The following PPP1CB variants were observed in gnomAD, a reference collection of about 807,000 sequenced individuals.
PPP1CB encodes the protein protein phosphatase 1 catalytic subunit beta, also known as serine/threonine-protein phosphatase PP1-beta catalytic subunit.
PPP1CB carries 2 observed loss-of-function variants against 43.7 expected under a neutral mutation model. The observed-to-expected ratio is 0.05, with a 90% CI of 0.02 to 0.14. The LOEUF (loss-of-function observed/expected upper bound fraction) is 0.14. Among genes scored for constraint, PPP1CB ranks in the 10% least tolerant of loss-of-function variants. The probability of loss-of-function intolerance (pLI) is 1.00; values close to 1 mark genes in which losing one functional copy is unlikely to be tolerated. For missense variants in PPP1CB, 84 were observed against 398.0 expected, an observed-to-expected ratio of 0.21 and a Z score of 6.71; for synonymous variants, 136 against 135.6, an observed-to-expected ratio of 1.00 and a Z score of -0.02.
chr2:28,761,293 T>C (rs1666640283), intron 1 of PPP1CB, among the ~76,000 whole-genome samples: 1 of 152,224 alleles, frequency 6.6e-6, no homozygotes, highest in Non-Finnish European at 1.5e-5. Flanking sequence ...AATTTCGGAC[T>C]CCCAACTACT....
chr2:28,792,526 C>A (rs961700172), intron 6 of PPP1CB, among the ~76,000 whole-genome samples: 10 of 151,940 alleles, frequency 6.6e-5, no homozygotes, highest in Non-Finnish European at 1.5e-4. Context: ...TGTCTCCACA[C>A]AAGCACATAC....
chr2:28,793,834 G>A, intron 6 of PPP1CB, 29 bp from the exon 7 acceptor site: 6 of 1,612,654 alleles, frequency 3.7e-6, no homozygotes, highest in Non-Finnish European at 5.1e-6. Context: ...ACCAATAAAT[G>A]TTTTTTCTTC....
In PPP1CB at chr2:28,794,112, G is replaced by A. The variant is rs1667446194; in HGVS notation, c.879+115G>A. 5 of 812,518 alleles carry A rather than the reference G, an allele frequency of 6.2e-6. No homozygotes were observed. The South Asian group carries it at 9.9e-5, about 16-fold the overall frequency. The allele number at this position is 812,518 out of a possible 1,614,324, so 50.3% of individuals were successfully genotyped here. On this transcript the variant is annotated intron_variant, in intron 7 of 7. Transcript: ENST00000395366. ...AAGTGTTGAAAGTCTGTTTAATTCA[G>A]AAGTGATTACCACTCAAACTCATTA... is the stretch of plus-strand genomic sequence containing the variant.
rs368839634 is a variant in PPP1CB at position 28,785,786 on chromosome 2, G to A, written c.592+1808G>A. 6.4e-4 allele frequency among the ~76,000 whole-genome samples: 97 copies of A among 152,198 alleles called. 2 individuals are homozygous for A. The South Asian group carries it at 0.016, about 25-fold the overall frequency. ...ATTGTGCTCCTGCATTCTAGCCTGG[G>A]TGACACAGTGAGACCCTCTCTTTCA... is the stretch of plus-strand genomic sequence containing the variant. On this transcript the variant is annotated intron_variant, in intron 5 of 7. Transcript: ENST00000395366.
At chr2:28,756,773 G>A (rs1367061973) in intron 1 of PPP1CB, among the ~76,000 whole-genome samples, 2 of 151,522 alleles carry the variant, frequency 1.3e-5, no homozygotes, top group African/African-American at 4.9e-5. Flanking sequence ...CAGGTGCGAG[G>A]TGCTGCGCCC....
chr2:28,797,251 T>C (rs1341533082), intron 7 of PPP1CB, among the ~76,000 whole-genome samples: 1 of 152,070 alleles, frequency 6.6e-6, no homozygotes, highest in Non-Finnish European at 1.5e-5. Context: ...GTGCCTCTGC[T>C]AGGTTTTGGT....
At chr2:28,778,205 T>A (rs1288377677) in intron 2 of PPP1CB, 1 of 354,076 alleles carries the variant, frequency 2.8e-6, no homozygotes, top group Non-Finnish European at 5.8e-6. Flanking sequence ...ACTATTTGTC[T>A]CCATATTTGG....
rs573672363 is a variant in PPP1CB at position 28,775,566 on chromosome 2, A to C, written c.53-1285A>C. Among the ~76,000 whole-genome samples, 14 of 152,250 alleles carry C rather than the reference A, an allele frequency of 9.2e-5. No homozygotes were observed. In the Middle Eastern group the frequency reaches 0.01, roughly 111 times the overall value. ...TTTTAAAAACATCTTTTGTTGACAC[A>C]GGGCCTTGCTTTGCTGCCCAGGCTG... On this transcript the variant is annotated intron_variant, in intron 1 of 7. Coordinates refer to ENST00000395366, the MANE Select transcript of PPP1CB (RefSeq NM_002709.3).
chr2:28,769,718 A>G (rs1666861218), intron 1 of PPP1CB, among the ~76,000 whole-genome samples: 1 of 152,336 alleles, frequency 6.6e-6, no homozygotes, highest in East Asian at 1.9e-4. Context: ...AAATACGACA[A>G]CTGTAGAACA....
intron 6 of PPP1CB, among the ~76,000 whole-genome samples, chr2:28,790,922 A>G (rs1369908316): frequency 6.6e-6 from 1 of 152,196 alleles, no homozygotes; most frequent in African/African-American, 2.4e-5. Flanking sequence ...AAACATTTAT[A>G]CAGTTCAGGG....
rs1160739130 is a variant in PPP1CB at position 28,800,166 on chromosome 2, G to A, written c.*863G>A. The A allele has an allele frequency of 6.6e-6, 1 of 150,860 alleles. No individual in the cohort carries two copies. The highest frequency in any genetic ancestry group is 1.5e-5 in the Non-Finnish European group (1 of 67,638). 9.3% of individuals were successfully genotyped at this position (150,860 alleles called of 1,614,324 possible). ...TTTCATTCGCACGGAACACCTTTTG[G>A]CATGCTTAACTTCCTGGTAACACCT... On this transcript the variant is annotated 3_prime_UTR_variant, in exon 8 of 8. Transcript: ENST00000395366.
In PPP1CB at chr2:28,771,044, C is replaced by CT. The variant is rs1666899103; in HGVS notation, c.53-5807_53-5806insT. Among the ~76,000 whole-genome samples the CT allele has an allele frequency of 2.3e-5, 2 of 88,474 alleles. 1 individual carries two copies. Among genetic ancestry groups the CT allele is most frequent in the Non-Finnish European group, 4.4e-5 (2 of 45,812 alleles). 58.0% of individuals were successfully genotyped at this position (88,474 alleles called of 152,430 possible). A position where few individuals can be genotyped will look rare whatever the true frequency, so the allele number is the denominator to read the frequency against. The stretch of plus-strand genomic sequence containing the variant: ...ACTTACCTACTTATTCCCTGCTCCC[C>CT]CCCCCCCACCCTTTTTTTTTTTTTT... On this transcript the variant is annotated intron_variant, in intron 1 of 7. Transcript: ENST00000395366.
intron 1 of PPP1CB, among the ~76,000 whole-genome samples, chr2:28,769,290 G>A (rs1394539657): frequency 6.6e-6 from 1 of 152,170 alleles, no homozygotes; most frequent in African/African-American, 2.4e-5. Flanking sequence ...GGCTTGGAGT[G>A]CAATGGCGTG....
At chr2:28,753,136 C>T (rs1666372904) in intron 1 of PPP1CB, among the ~76,000 whole-genome samples, 1 of 152,188 alleles carries the variant, frequency 6.6e-6, no homozygotes, top group South Asian at 2.1e-4. Flanking sequence ...AGTCCCTCTA[C>T]CCTAAAGTTT....
intron 3 of PPP1CB, among the ~76,000 whole-genome samples, chr2:28,779,873 A>G (rs184533197): frequency 1.3e-5 from 2 of 152,306 alleles, no homozygotes; most frequent in East Asian, 1.9e-4. Context: ...GCGTGAAGCA[A>G]TACACAATAC....
At chr2:28,774,946 C>T (rs1412915492) in intron 1 of PPP1CB, among the ~76,000 whole-genome samples, 4 of 152,248 alleles carry the variant, frequency 2.6e-5, no homozygotes, top group African/African-American at 7.2e-5. Context: ...TGCTAAAGCA[C>T]ATTTGAATGT....
chr2:28,795,065 C>T (rs1446963524), intron 7 of PPP1CB, among the ~76,000 whole-genome samples: 1 of 152,102 alleles, frequency 6.6e-6, no homozygotes, highest in Admixed American at 6.5e-5. Context: ...CAGTGTTTAG[C>T]TCCTGCTTAT....
At chr2:28,797,916 A>G (rs1050581308) in intron 7 of PPP1CB, among the ~76,000 whole-genome samples, 1 of 152,098 alleles carries the variant, frequency 6.6e-6, no homozygotes, top group African/African-American at 2.4e-5. Flanking sequence ...CACACACTGT[A>G]TTTCTCTTAA....
chr2:28,799,328 A>G lies in PPP1CB; in HGVS notation c.*25A>G, dbSNP rs569441298. 1.4e-5 allele frequency: 21 copies of G among 1,534,976 alleles called. 1 individual carries two copies. The South Asian group carries it at 1.9e-4, about 14-fold the overall frequency. ...AAGAAAGGAATTCTGTAAAGAAACC[A>G]TCAGATTTGTTAAGGACATACTTCA... is the stretch of plus-strand genomic sequence containing the variant. On this transcript the variant is annotated 3_prime_UTR_variant, in exon 8 of 8. Coordinates refer to ENST00000395366, the MANE Select transcript of PPP1CB (RefSeq NM_002709.3).
Sources: allele counts gnomAD v4.1 joint callset (sites outside exome capture counted in the v4.1 genomes callset), GRCh38; gene constraint gnomAD v4.1.1; transcripts MANE v1.5; gene names NCBI Gene and HGNC (gene_info 2026-07-23, HGNC 2026-07-21).